The following GTF2H3 variants were observed in gnomAD, a reference collection of about 807,000 sequenced individuals.
GTF2H3 encodes the protein TFIIH basal transcription factor complex p34 subunit.
In GTF2H3, 42 loss-of-function variants were observed where a neutral mutation model predicts 51.1. That is an observed-to-expected ratio of 0.82 (90% CI 0.64 to 1.06). The LOEUF (loss-of-function observed/expected upper bound fraction) is 1.06. Ranked by LOEUF, GTF2H3 falls within the 50% of genes least tolerant of loss-of-function variation. The pLI is 0.00. For missense variants in GTF2H3, 326 were observed against 366.1 expected (o/e 0.89, Z 0.89); for synonymous variants, 123 against 123.8 (o/e 0.99, Z 0.04).
Position 123,656,986 on chromosome 12 carries a change from G to A in GTF2H3, c.615+1162G>A, listed in dbSNP as rs1955594908. Among the ~76,000 whole-genome samples the A allele has an allele frequency of 2.6e-5, 4 of 152,044 alleles. 1 individual carries two copies. Among genetic ancestry groups the A allele is most frequent in the South Asian group, 4.2e-4 (2 of 4,816 alleles). ...GCCTGTAGTCTCAGCTGTTCGGGAG[G>A]TGGAGGCAGGAGGATTGCTTGAGCC... On this transcript the variant is annotated intron_variant, in intron 9 of 12. Coordinates refer to ENST00000543341, the MANE Select transcript of GTF2H3 (RefSeq NM_001516.5).
At chr12:123,636,230 G>T (rs962259619) in intron 1 of GTF2H3, among the ~76,000 whole-genome samples, 144 of 152,324 alleles carry the variant, frequency 9.5e-4, no homozygotes, top group Non-Finnish European at 7.5e-4. Flanking sequence ...CTGGGTGGTT[G>T]TCAGGGTGGA....
chr12:123,652,460 AT>A, intron 5 of GTF2H3, 71 bp from the exon 6 acceptor site: 2 of 875,536 alleles, frequency 2.3e-6, no homozygotes, highest in African/African-American at 1.7e-5. Flanking sequence ...ATTGGAGGTT[AT>A]TTTTCTTTTT....
rs1955628720 is a variant in GTF2H3, at chr12:123,659,583, T to G, written c.683T>G (p.Leu228Arg). The G allele has an allele frequency of 6.2e-7, 1 of 1,613,616 alleles. No homozygotes were observed. Among genetic ancestry groups the G allele is most frequent in the African/African-American group, 1.3e-5 (1 of 74,846 alleles). The change falls in exon 10 of 13, where the codon CTG becomes CGG. Residue 228 changes from leucine (L) to arginine (R), a missense_variant and splice_region_variant. Leu to Arg is a moderately radical substitution (Grantham distance 102). Coordinates refer to ENST00000543341, the MANE Select transcript of GTF2H3 (RefSeq NM_001516.5). ...ATGCCTTCTCTTCTGCAGTATTTGC[T>G]GGTAAGGAGACAGCAGCGGCGACCC... The part of the protein sequence containing the change: ...PQMPSLLQYL[L>R]WVFLPDQDQR...
intron 9 of GTF2H3, among the ~76,000 whole-genome samples, chr12:123,658,917 C>T (rs1955619385): frequency 6.6e-6 from 1 of 152,068 alleles, no homozygotes; most frequent in Non-Finnish European, 1.5e-5. Context: ...GCTATTTCTC[C>T]AAAGATCTGC....
intron 1 of GTF2H3, among the ~76,000 whole-genome samples, chr12:123,637,835 G>A (rs1010551148): frequency 1.3e-5 from 2 of 152,086 alleles, no homozygotes; most frequent in Non-Finnish European, 2.9e-5. Context: ...GATTGGCCTT[G>A]CTGCTACATG....
intron 3 of GTF2H3, among the ~76,000 whole-genome samples, chr12:123,647,014 A>G (rs894351514): frequency 7.9e-5 from 12 of 151,730 alleles, no homozygotes; most frequent in Admixed American, 5.3e-4. Context: ...TTAGCCGGGC[A>G]TGGTGGCGGG....
rs147651663 is a variant in GTF2H3 at position 123,653,134 on chromosome 12, G to A, written c.486+399G>A. Among the ~76,000 whole-genome samples, 432 of 152,026 alleles carry A rather than the reference G, an allele frequency of 2.8e-3. 3 individuals carry two copies. Among genetic ancestry groups the A allele is most frequent in the African/African-American group, 9.9e-3 (411 of 41,486 alleles). On this transcript the variant is annotated intron_variant, in intron 7 of 12. Coordinates refer to ENST00000543341, the MANE Select transcript of GTF2H3 (RefSeq NM_001516.5). ...AAGAAAACATAATGGGAAATAAAACGCATTTATAGTAGGAGCAAAAAATGT... is the reference window on the plus strand; with the variant it reads ...AAGAAAACATAATGGGAAATAAAACACATTTATAGTAGGAGCAAAAAATGT...
rs768094485 is a variant in GTF2H3 at position 123,659,446 on chromosome 12, A to C, written c.616-70A>C. ...ATTTTGTAGGCCCAAGGCATTGCTC[A>C]TGAGAACCTCATTCCTCTGGAAACC... On this transcript the variant is annotated intron_variant, in intron 9 of 12. Coordinates refer to ENST00000543341, the MANE Select transcript of GTF2H3 (RefSeq NM_001516.5). 3.3e-6 allele frequency: 4 copies of C among 1,221,078 alleles called. No homozygotes were observed. In the Admixed American group the frequency reaches 5.2e-5, roughly 16 times the overall value. 75.6% of individuals were successfully genotyped at this position (1,221,078 alleles called of 1,614,324 possible).
intron 2 of GTF2H3, 100 bp downstream of exon 2, chr12:123,639,443 G>A (rs756738027): frequency 7.7e-6 from 5 of 646,968 alleles, no homozygotes; most frequent in Non-Finnish European, 1.1e-5. Context: ...TTTACATACT[G>A]TAATATTCAG....
At chr12:123,642,492 A>G (rs573859342) in intron 2 of GTF2H3, among the ~76,000 whole-genome samples, 2 of 152,206 alleles carry the variant, frequency 1.3e-5, no homozygotes, top group South Asian at 2.1e-4. Context: ...TTGTGATTCT[A>G]TTTCCAAAAA....
chr12:123,651,178 G>T, intron 5 of GTF2H3, 122 bp downstream of exon 5: 2 of 631,586 alleles, frequency 3.2e-6, no homozygotes, highest in Non-Finnish European at 2.8e-6. Flanking sequence ...GAAGTGGAGG[G>T]TAATTTTTTA....
At chr12:123,659,751 C>T (rs2135802930) in intron 10 of GTF2H3, 44 bp from the exon 11 acceptor site, 2 of 1,590,276 alleles carry the variant, frequency 1.3e-6, no homozygotes, top group Non-Finnish European at 1.7e-6. Context: ...TTATTTTTTT[C>T]CCATGTTTTA....
chr12:123,661,116 A>T lies in GTF2H3; in HGVS notation c.*881A>T, dbSNP rs888887696. ...AGAGCAGCCTGGGCAGCAAAGTGAG[A>T]CCCCATCTCTACTAAAAATTTAAAT... On this transcript the variant is annotated 3_prime_UTR_variant, in exon 13 of 13. Coordinates refer to ENST00000543341, the MANE Select transcript of GTF2H3 (RefSeq NM_001516.5). 3.3e-5 allele frequency: 5 copies of T among 151,794 alleles called. No homozygotes were observed. Among genetic ancestry groups the T allele is most frequent in the Non-Finnish European group, 4.4e-5 (3 of 67,972 alleles). The allele number at this position is 151,794 out of a possible 1,614,324, so 9.4% of individuals were successfully genotyped here.
chr12:123,652,710 A>T lies in GTF2H3; in HGVS notation c.461A>T (p.Asn154Ile). 6.6e-7 allele frequency: 1 copy of T among 1,521,640 alleles called. No homozygotes were observed. Among genetic ancestry groups the T allele is most frequent in the East Asian group, 2.3e-5 (1 of 43,292 alleles). The allele number at this position is 1,521,640 out of a possible 1,614,324, so 94.3% of individuals were successfully genotyped here. A position where few individuals can be genotyped will look rare whatever the true frequency, so the allele number is the denominator to read the frequency against. Reference sequence around the variant, plus strand: ...TTCTGCTTTTTTCTCTTTGTAGACAATCAGGAAATGAAATCAAGGATATTG... The same window carrying T: ...TTCTGCTTTTTTCTCTTTGTAGACATTCAGGAAATGAAATCAAGGATATTG... ...IHRMNKEVKD[N>I]QEMKSRILVI... Residue 154 changes from asparagine to isoleucine, a missense_variant, in exon 7 of 13, where the codon AAT becomes ATT. Coordinates refer to ENST00000543341, the MANE Select transcript of GTF2H3 (RefSeq NM_001516.5).
intron 3 of GTF2H3, among the ~76,000 whole-genome samples, chr12:123,647,433 C>T (rs965803736): frequency 6.6e-5 from 10 of 151,912 alleles, no homozygotes; most frequent in Non-Finnish European, 1.2e-4. Context: ...GACTGCACCA[C>T]TGCACTCCAG....
Position 123,655,792 on chromosome 12 carries a change from GT to G in GTF2H3, c.587del (p.Leu196Ter). ...QKQNILIDAC[V>X]LDSDSGLLQQ... ...TTAGAATATTTTGATTGATGCCTGT[GT>G]TTTAGACTCCGACTCAGGGCTCCTC... is the stretch of plus-strand genomic sequence containing the variant. On this transcript the variant is annotated frameshift_variant, in exon 9 of 13. Transcript: ENST00000543341. LOFTEE classifies it high-confidence loss of function. 6.3e-7 allele frequency: 1 copy of G among 1,596,756 alleles called. No individual in the cohort carries two copies. The highest frequency in any genetic ancestry group is 8.6e-7 in the Non-Finnish European group (1 of 1,165,352).
rs1459597535 is a variant in GTF2H3 at position 123,633,865 on chromosome 12, T to G, written c.6T>G (p.Val2=). The G allele has an allele frequency of 6.2e-7, 1 of 1,613,500 alleles. No homozygotes were observed. The highest frequency in any genetic ancestry group is 8.5e-7 in the Non-Finnish European group (1 of 1,180,008). The part of the protein sequence containing the change: M[V]SDEDELNLLV... ...GCTGAGGTGCTGGGACAGCCATGGTTTCAGACGGTGAGGACCCTGCAGGGC... is the reference window on the plus strand; with the variant it reads ...GCTGAGGTGCTGGGACAGCCATGGTGTCAGACGGTGAGGACCCTGCAGGGC... The change falls in exon 1 of 13, where the codon GTT becomes GTG. Residue 2 remains valine (V), a synonymous_variant. Coordinates refer to ENST00000543341, the MANE Select transcript of GTF2H3 (RefSeq NM_001516.5).
chr12:123,650,197 A>G (rs1160410825), intron 4 of GTF2H3: 5 of 152,224 alleles, frequency 3.3e-5, no homozygotes, highest in Non-Finnish European at 7.3e-5. Flanking sequence ...TGTCAATCTG[A>G]GCTCCTTGCC....
intron 1 of GTF2H3, among the ~76,000 whole-genome samples, chr12:123,637,372 TA>T (rs769710584): frequency 3.9e-5 from 6 of 152,014 alleles, no homozygotes; most frequent in African/African-American, 2.4e-5. Flanking sequence ...CCCCATCTCT[TA>T]AAAAAAACCC....
Sources: gnomAD v4.1 joint callset for allele counts (sites outside exome capture counted in the v4.1 genomes callset) on GRCh38, gnomAD v4.1.1 for gene constraint, MANE v1.5 for transcripts, NCBI Gene and HGNC (gene_info 2026-07-23, HGNC 2026-07-21) for gene names.